HOMER1: variants seen among roughly 807,000 people sequenced by gnomAD.
The protein encoded by HOMER1 is homer scaffold protein 1, also known as homer protein homolog 1.
A neutral mutation model predicts 48.9 loss-of-function variants in HOMER1; 3 were observed. The observed-to-expected ratio is 0.06, with a 90% CI of 0.03 to 0.16. The LOEUF (loss-of-function observed/expected upper bound fraction) is 0.16. HOMER1 is among the 10% of genes least tolerant of loss of function. The probability of loss-of-function intolerance (pLI) is 1.00; values close to 1 mark genes in which losing one functional copy is unlikely to be tolerated. For synonymous variants in HOMER1, 134 were observed against 146.4 expected (o/e 0.92, Z 0.61); for missense variants, 247 against 411.4 (o/e 0.60, Z 3.46).
intron 1 of HOMER1, among the ~76,000 whole-genome samples, chr5:79,488,186 T>C (rs1752172411): frequency 6.6e-6 from 1 of 152,228 alleles, no homozygotes; most frequent in Admixed American, 6.5e-5. Context: ...TGTCTGCTTT[T>C]AAGAACATGC....
chr5:79,475,150 T>C (rs1751726941), intron 1 of HOMER1, among the ~76,000 whole-genome samples: 1 of 152,120 alleles, frequency 6.6e-6, no homozygotes, highest in South Asian at 2.1e-4. Context: ...GTGCCTGTGC[T>C]ACTGAACTCT....
chr5:79,463,319 A>G (rs1404847565), intron 1 of HOMER1, among the ~76,000 whole-genome samples: 1 of 152,232 alleles, frequency 6.6e-6, no homozygotes, highest in Non-Finnish European at 1.5e-5. Context: ...AGAAACTTCT[A>G]GGTACACTCA....
intron 4 of HOMER1, among the ~76,000 whole-genome samples, chr5:79,446,804 A>ATTTTTTTT (rs35036295): frequency 3.8e-4 from 39 of 101,658 alleles, no homozygotes; most frequent in Non-Finnish European, 4.6e-4. Flanking sequence ...CACTTGGCTA[A>ATTTTTTTT]TTTTTTTTTT....
chr5:79,380,920 G>A (rs1748952960), intron 8 of HOMER1, among the ~76,000 whole-genome samples: 1 of 152,082 alleles, frequency 6.6e-6, no homozygotes, highest in African/African-American at 2.4e-5. Flanking sequence ...TGCACTGCAC[G>A]GGACACAGAG....
chr5:79,410,240 C>T (rs978654484), intron 5 of HOMER1, among the ~76,000 whole-genome samples: 1 of 151,820 alleles, frequency 6.6e-6, no homozygotes, highest in Non-Finnish European at 1.5e-5. Flanking sequence ...GCCTGTAATC[C>T]CAGCACTTTG....
At chr5:79,494,671 C>T (rs1483264952) in intron 1 of HOMER1, among the ~76,000 whole-genome samples, 1 of 152,204 alleles carries the variant, frequency 6.6e-6, no homozygotes, top group Admixed American at 6.5e-5. Context: ...GAGTTCGAGA[C>T]CAGCCTGACC....
intron 8 of HOMER1, among the ~76,000 whole-genome samples, chr5:79,379,481 T>C (rs1196133820): frequency 7.8e-6 from 1 of 128,594 alleles, no homozygotes; most frequent in Non-Finnish European, 1.6e-5. Flanking sequence ...TATATAAATA[T>C]ATAAATATAT....
intron 1 of HOMER1, among the ~76,000 whole-genome samples, chr5:79,505,928 G>A (rs1007528520): frequency 2.0e-5 from 3 of 152,054 alleles, no homozygotes; most frequent in Non-Finnish European, 4.4e-5. Flanking sequence ...TTTTAGCTAC[G>A]CAAGAGCCAT....
intron 1 of HOMER1, among the ~76,000 whole-genome samples, chr5:79,477,158 A>G (rs1751802674): frequency 6.6e-6 from 1 of 152,232 alleles, no homozygotes; most frequent in Non-Finnish European, 1.5e-5. Context: ...GGAACTGTGG[A>G]CAAAAAACAA....
intron 1 of HOMER1, among the ~76,000 whole-genome samples, chr5:79,497,865 C>T (rs1002824460): frequency 2.6e-5 from 4 of 152,086 alleles, no homozygotes; most frequent in African/African-American, 9.7e-5. Context: ...AATAAGCTCC[C>T]TGGACCAGCA....
At chr5:79,435,695 G>T (rs1422310222) in intron 5 of HOMER1, among the ~76,000 whole-genome samples, 1 of 149,200 alleles carries the variant, frequency 6.7e-6, no homozygotes, top group East Asian at 2.0e-4. Context: ...GCAGGGTGTG[G>T]TGGCGGGCGC....
intron 8 of HOMER1, among the ~76,000 whole-genome samples, chr5:79,382,463 A>C (rs1407919662): frequency 6.6e-6 from 1 of 152,218 alleles, no homozygotes; most frequent in East Asian, 1.9e-4. Flanking sequence ...TTCTCAGCAG[A>C]AACCTCACAG....
chr5:79,479,301 T>C (rs1243588421), intron 1 of HOMER1, among the ~76,000 whole-genome samples: 1 of 152,180 alleles, frequency 6.6e-6, no homozygotes, highest in African/African-American at 2.4e-5. Context: ...CTAGAACCTG[T>C]GAATGTTGCC....
chr5:79,460,368 C>T (rs1751286784), intron 1 of HOMER1, among the ~76,000 whole-genome samples: 1 of 152,156 alleles, frequency 6.6e-6, no homozygotes. Context: ...GCAGAGGTTG[C>T]AGTAAGCCAA....
chr5:79,457,101 G>A, intron 1 of HOMER1, 83 bp from the exon 2 acceptor site: 2 of 1,293,908 alleles, frequency 1.5e-6, no homozygotes, highest in Non-Finnish European at 2.2e-6. Flanking sequence ...CTGCAAGGAT[G>A]ATTCTGCTTA....
At chr5:79,441,356 G>A (rs1208288061) in intron 4 of HOMER1, among the ~76,000 whole-genome samples, 4 of 151,928 alleles carry the variant, frequency 2.6e-5, no homozygotes, top group South Asian at 2.1e-4. Context: ...TAAATGCTCC[G>A]GTCACTTTGA....
At chr5:79,506,414 C>A (rs1475863478) in intron 1 of HOMER1, among the ~76,000 whole-genome samples, 1 of 151,988 alleles carries the variant, frequency 6.6e-6, no homozygotes, top group African/African-American at 2.4e-5. Context: ...GTGTTACACT[C>A]AGGACAGACG....
chr5:79,444,248 G>A (rs1159477508), intron 4 of HOMER1, among the ~76,000 whole-genome samples: 2 of 152,074 alleles, frequency 1.3e-5, no homozygotes, highest in African/African-American at 4.8e-5. Context: ...TTGTCACCCA[G>A]GCTGCAGTGC....
rs908053473 is a variant in HOMER1 at position 79,513,646 on chromosome 5, C to G, written c.-872G>C. On this transcript the variant is annotated 5_prime_UTR_variant, in exon 1 of 9. Transcript: ENST00000334082. ...TGCCCGGCCCTTCATTCGCGGCTGC[C>G]CCCTCTTCCCTCCTCTCTTCAGAGC... 2.0e-5 allele frequency: 3 copies of G among 152,268 alleles called. No homozygotes were observed. The highest frequency in any genetic ancestry group is 7.2e-5 in the African/African-American group (3 of 41,392). 9.4% of individuals were successfully genotyped at this position (152,268 alleles called of 1,614,324 possible).
Sources: allele counts gnomAD v4.1 joint callset (sites outside exome capture counted in the v4.1 genomes callset), GRCh38; gene constraint gnomAD v4.1.1; transcripts MANE v1.5; gene names NCBI Gene and HGNC (gene_info 2026-07-23, HGNC 2026-07-21).